POFUT1: variants seen among roughly 807,000 people sequenced by gnomAD.
POFUT1 encodes GDP-fucose protein O-fucosyltransferase 1.
POFUT1 carries 16 observed loss-of-function variants against 42.4 expected under a neutral mutation model. The observed-to-expected ratio is 0.38, with a 90% CI of 0.26 to 0.57. POFUT1 has a LOEUF of 0.57. Among genes scored for constraint, POFUT1 ranks in the 20% least tolerant of loss-of-function variants. POFUT1 has a pLI of 0.71. For missense variants in POFUT1, 470 were observed against 504.6 expected, an observed-to-expected ratio of 0.93 and a Z score of 0.66; for synonymous variants, 206 against 205.4, an observed-to-expected ratio of 1.00 and a Z score of -0.03.
intron 6 of POFUT1, among the ~76,000 whole-genome samples, chr20:32,231,761 A>G (rs1055624790): frequency 1.3e-5 from 2 of 152,220 alleles, no homozygotes; most frequent in African/African-American, 4.8e-5. Flanking sequence ...TCCTGCTACA[A>G]AATAAGTGCT....
chr20:32,212,661 A>G (rs2047335967), intron 2 of POFUT1, among the ~76,000 whole-genome samples: 1 of 151,972 alleles, frequency 6.6e-6, no homozygotes, highest in African/African-American at 2.4e-5. Flanking sequence ...GGCTCACTGC[A>G]CCCTCTGCCT....
intron 6 of POFUT1, chr20:32,231,379 G>T: frequency 2.9e-6 from 1 of 346,972 alleles, no homozygotes; most frequent in Non-Finnish European, 5.6e-6. Flanking sequence ...AGGAGCTGTG[G>T]GCTCCTTGAA....
chr20:32,216,563 G>A (rs769606391), intron 3 of POFUT1, 46 bp from the exon 4 acceptor site: 1 of 1,245,004 alleles, frequency 8.0e-7, no homozygotes. Flanking sequence ...TCCCCAAATG[G>A]CTTTCCCTCC....
intron 4 of POFUT1, among the ~76,000 whole-genome samples, chr20:32,225,694 G>T (rs539704636): frequency 6.6e-6 from 1 of 151,756 alleles, no homozygotes; most frequent in Non-Finnish European, 1.5e-5. Context: ...TTGCCATGTT[G>T]CCCCAGGCTG....
intron 6 of POFUT1, among the ~76,000 whole-genome samples, chr20:32,232,666 A>G (rs2047449125): frequency 6.6e-6 from 1 of 150,942 alleles, no homozygotes; most frequent in Non-Finnish European, 1.5e-5. Context: ...CATTCCCCCC[A>G]CCTACCTACA....
chr20:32,210,865 A>G (rs6141636), intron 2 of POFUT1, among the ~76,000 whole-genome samples: 57,564 of 152,134 alleles, frequency 0.38, 11,815 homozygotes, highest in East Asian at 0.74. Context: ...TAATTTTCCA[A>G]TAGACATCAG....
At chr20:32,219,337 AG>A in intron 4 of POFUT1, among the ~76,000 whole-genome samples, 1 of 152,190 alleles carries the variant, frequency 6.6e-6, no homozygotes, top group Admixed American at 6.5e-5. Context: ...GAGGAAAAGT[AG>A]TTCACAGCAG....
At chr20:32,216,294 G>A (rs1229647205) in intron 3 of POFUT1, among the ~76,000 whole-genome samples, 1 of 152,168 alleles carries the variant, frequency 6.6e-6, no homozygotes, top group Middle Eastern at 3.2e-3. Context: ...AATCTTGAAT[G>A]TCTCTTGAAG....
At chr20:32,208,918 A>G (rs561472586) in intron 1 of POFUT1, among the ~76,000 whole-genome samples, 2 of 152,368 alleles carry the variant, frequency 1.3e-5, no homozygotes, top group South Asian at 4.1e-4. Flanking sequence ...AAGGGAAAAT[A>G]AAGAGAGCAG....
At position 32,238,406 on chromosome 20, in the gene POFUT1, AAGG is replaced by A. The variant is rs1005780849; in HGVS notation, c.*3748_*3750del. The A allele has an allele frequency of 3.9e-5, 6 of 152,164 alleles. No homozygotes were observed. Among genetic ancestry groups the A allele is most frequent in the African/African-American group, 1.4e-4 (6 of 41,426 alleles). 9.4% of individuals were successfully genotyped at this position (152,164 alleles called of 1,614,324 possible). A position where few individuals can be genotyped will look rare whatever the true frequency, so the allele number is the denominator to read the frequency against. On this transcript the variant is annotated 3_prime_UTR_variant, in exon 7 of 7. Coordinates refer to ENST00000375749, the MANE Select transcript of POFUT1 (RefSeq NM_015352.2). The stretch of plus-strand genomic sequence containing the variant: ...CAGAGCGAGACTCCATCTCAAAAAA[AAGG>A]AGACTTCATGTGCCCCCAATTTTTC...
chr20:32,224,953 A>G (rs1297533904), intron 4 of POFUT1, among the ~76,000 whole-genome samples: 1 of 152,172 alleles, frequency 6.6e-6, no homozygotes, highest in Non-Finnish European at 1.5e-5. Context: ...TTTATATGTA[A>G]CCTTTAACTA....
At chr20:32,222,884 C>T in intron 4 of POFUT1, 2 of 985,416 alleles carry the variant, frequency 2.0e-6, no homozygotes, top group Non-Finnish European at 2.4e-6. Context: ...TCCCAGGCTG[C>T]CACCTCCCTG....
At chr20:32,226,053 A>C (rs2047413279) in intron 4 of POFUT1, among the ~76,000 whole-genome samples, 1 of 152,044 alleles carries the variant, frequency 6.6e-6, no homozygotes, top group East Asian at 1.9e-4. Flanking sequence ...AAAACACATT[A>C]CCCTCTGGGA....
At chr20:32,217,046 G>T in intron 4 of POFUT1, 1 of 1,613,910 alleles carries the variant, frequency 6.2e-7, no homozygotes, top group African/African-American at 1.3e-5. Flanking sequence ...CTCTTCCCAA[G>T]GTGAAACTGG....
At chr20:32,220,177 C>T (rs1012916822) in intron 4 of POFUT1, among the ~76,000 whole-genome samples, 1 of 152,190 alleles carries the variant, frequency 6.6e-6, no homozygotes, top group Non-Finnish European at 1.5e-5. Flanking sequence ...AATAGTTCAT[C>T]GTATGTATAT....
In POFUT1 at chr20:32,234,647, C is replaced by T. The variant is rs369230608; in HGVS notation, c.1153C>T (p.Arg385Trp). 20 of 1,608,232 alleles carry T rather than the reference C, an allele frequency of 1.2e-5. No homozygotes were observed. Among genetic ancestry groups the T allele is most frequent in the African/African-American group, 5.4e-5 (4 of 74,758 alleles). The change falls in exon 7 of 7, where the codon CGG becomes TGG. Residue 385 changes from arginine to tryptophan, a missense_variant. Coordinates refer to ENST00000375749, the MANE Select transcript of POFUT1 (RefSeq NM_015352.2). ...FFGMDRPPKL[R>W]DEF ...CGGCATGGACAGGCCCCCTAAGCTG[C>T]GGGACGAGTTCTGATTCTGGCCGGA...
At chr20:32,217,465 T>A (rs1352554389) in intron 4 of POFUT1, 1 of 996,642 alleles carries the variant, frequency 1.0e-6, no homozygotes, top group Non-Finnish European at 1.2e-6. Context: ...GGTAAACAGA[T>A]GTAGAGAAAT....
chr20:32,228,093 G>C (rs1376564747), intron 4 of POFUT1, among the ~76,000 whole-genome samples, 170 bp from the exon 5 acceptor site: 8 of 152,198 alleles, frequency 5.3e-5, no homozygotes, highest in Admixed American at 3.9e-4. Flanking sequence ...CGCCACCAAG[G>C]TTCCTTATCA....
intron 6 of POFUT1, among the ~76,000 whole-genome samples, chr20:32,233,778 G>C (rs1449283539): frequency 6.6e-6 from 1 of 152,154 alleles, no homozygotes; most frequent in Non-Finnish European, 1.5e-5. Context: ...GGAGATGGAG[G>C]CATCCAGCCC....
Sources: gnomAD v4.1 joint callset for allele counts (sites outside exome capture counted in the v4.1 genomes callset) on GRCh38, gnomAD v4.1.1 for gene constraint, MANE v1.5 for transcripts, NCBI Gene and HGNC (gene_info 2026-07-23, HGNC 2026-07-21) for gene names.